Variants in GLIS3 observed in about 807,000 individuals in gnomAD.
GLIS3 encodes zinc finger protein GLIS3.
A neutral mutation model predicts 78.6 loss-of-function variants in GLIS3; 53 were observed. That is an observed-to-expected ratio of 0.67 (90% CI 0.54 to 0.85). The LOEUF is 0.85. Ranked by LOEUF, GLIS3 falls within the 40% of genes least tolerant of loss-of-function variation. The pLI is 0.00. For synonymous variants in GLIS3, 684 were observed against 509.9 expected (o/e 1.34, Z -4.60); for missense variants, 1,703 against 1,231.1 (o/e 1.38, Z -5.74).
At chr9:4,466,571 A>G in the GLIS3 span, among the ~76,000 whole-genome samples, 1 of 152,222 alleles carries the variant, frequency 6.6e-6, no homozygotes, top group African/African-American at 2.4e-5. Flanking sequence ...AACAATATAT[A>G]TAAAGGATAA....
At chr9:4,377,845 C>A in the GLIS3 span, among the ~76,000 whole-genome samples, 1 of 152,100 alleles carries the variant, frequency 6.6e-6, no homozygotes, top group African/African-American at 2.4e-5. Context: ...AAAAAACAGT[C>A]GTGATCTCTA....
the GLIS3 span, among the ~76,000 whole-genome samples, chr9:4,465,420 G>T: frequency 1.3e-5 from 2 of 152,222 alleles, no homozygotes; most frequent in Admixed American, 6.5e-5. Flanking sequence ...ATGGTGACAC[G>T]CAACTGTAGT....
chr9:4,118,272 G>A lies in GLIS3; in HGVS notation c.1206C>T (p.Gly402=), dbSNP rs1007576859. The change falls in exon 4 of 11, where the codon GGC becomes GGT. Residue 402 remains glycine, a synonymous_variant. Transcript: ENST00000381971. The surrounding 1 kb of genome is among the most constrained non-coding windows in gnomAD (Gnocchi z 4.7). ...TGTGGTTGACCAGGCCTGGCTGCAG[G>A]CCGCCGTGCTCCAGCTGTTGCATGC... The part of the protein sequence containing the change: ...HERMQQLEHG[G]LQPGLVNHMV... 3.8e-6 allele frequency: 6 copies of A among 1,586,334 alleles called. No individual in the cohort carries two copies. The highest frequency in any genetic ancestry group is 1.8e-5 in the Admixed American group (1 of 56,624).
rs146106122 is a variant in GLIS3 at position 3,836,239 on chromosome 9, G to A, written c.2474-6747C>T. 7.2e-4 allele frequency among the ~76,000 whole-genome samples: 110 copies of A among 152,342 alleles called. 1 individual carries two copies. Among genetic ancestry groups the A allele is most frequent in the Middle Eastern group, 3.4e-3 (1 of 294 alleles). On this transcript the variant is annotated intron_variant, in intron 9 of 10. Transcript: ENST00000381971. Reference sequence around the variant, plus strand: ...GAATAAGCAGATATCAGCGGCAGAGGCAGAATTGGCAGCCCCTCAGTTTCT... The same window carrying A: ...GAATAAGCAGATATCAGCGGCAGAGACAGAATTGGCAGCCCCTCAGTTTCT...
chr9:4,489,312 T>G, the GLIS3 span, among the ~76,000 whole-genome samples: 1 of 152,206 alleles, frequency 6.6e-6, no homozygotes, highest in Admixed American at 6.5e-5. Context: ...TCTTAATCTA[T>G]TATCGCTTAA....
chr9:3,836,867 C>T (rs1362417073), intron 9 of GLIS3, among the ~76,000 whole-genome samples: 2 of 152,218 alleles, frequency 1.3e-5, no homozygotes, highest in Admixed American at 6.5e-5. Flanking sequence ...TCTTCTTCTT[C>T]CTCTCTGTGA....
At chr9:4,456,027 G>C in the GLIS3 span, among the ~76,000 whole-genome samples, 1 of 152,050 alleles carries the variant, frequency 6.6e-6, no homozygotes, top group African/African-American at 2.4e-5. Flanking sequence ...AGAATGGCTC[G>C]AACCTGGGAG....
chr9:4,174,974 G>C (rs1224488326), intron 2 of GLIS3, among the ~76,000 whole-genome samples: 1 of 152,226 alleles, frequency 6.6e-6, no homozygotes, highest in Non-Finnish European at 1.5e-5. Flanking sequence ...AATAGGTCAA[G>C]GGTGCAAAGG....
chr9:4,366,166 G>T, the GLIS3 span, among the ~76,000 whole-genome samples: 1 of 152,168 alleles, frequency 6.6e-6, no homozygotes, highest in South Asian at 2.1e-4. Context: ...AACTTTAACC[G>T]TCCTTAATTT....
At chr9:4,133,141 T>C (rs921987631) in intron 2 of GLIS3, among the ~76,000 whole-genome samples, 1 of 152,254 alleles carries the variant, frequency 6.6e-6, no homozygotes. Context: ...ACCATCTCTA[T>C]ATATAAACTT....
At chr9:4,074,922 G>C (rs895272446) in intron 4 of GLIS3, among the ~76,000 whole-genome samples, 3 of 152,092 alleles carry the variant, frequency 2.0e-5, no homozygotes, top group African/African-American at 7.2e-5. Flanking sequence ...TCCAAATACA[G>C]AAACTGTAGT....
intron 2 of GLIS3, among the ~76,000 whole-genome samples, chr9:4,160,279 T>A (rs1490617411): frequency 6.6e-6 from 1 of 152,236 alleles, no homozygotes; most frequent in Non-Finnish European, 1.5e-5. Context: ...GCTAAGGAAC[T>A]GACCACGCTG....
At chr9:4,221,223 TG>T (rs1821305976) in intron 2 of GLIS3, among the ~76,000 whole-genome samples, 1 of 151,972 alleles carries the variant, frequency 6.6e-6, no homozygotes, top group African/African-American at 2.4e-5. Flanking sequence ...AAAGAGAAAA[TG>T]ATAAGGCAGA....
At position 4,273,740 on chromosome 9, in the gene GLIS3, T is replaced by C. The variant is rs12551380; in HGVS notation, c.388+12298A>G. Among the ~76,000 whole-genome samples, 711 of 152,330 alleles carry C rather than the reference T, an allele frequency of 4.7e-3. 2 individuals carry two copies. Among genetic ancestry groups the C allele is most frequent in the Admixed American group, 0.013 (194 of 15,300 alleles). On this transcript the variant is annotated intron_variant, in intron 2 of 10. Coordinates refer to ENST00000381971, the MANE Select transcript of GLIS3 (RefSeq NM_001042413.2). ...GATTTCCACACAAGTGGGTGACTAC[T>C]TGAAAAGTCAATCCACATAACTCGA...
At position 4,196,748 on chromosome 9, in the gene GLIS3, C is replaced by T. The variant is rs141062095; in HGVS notation, c.389-70807G>A. 3.3e-3 allele frequency among the ~76,000 whole-genome samples: 496 copies of T among 152,268 alleles called. 1 individual carries two copies. The highest frequency in any genetic ancestry group is 0.011 in the African/African-American group (468 of 41,562). ...AACTGTAACACTCACCGTGAGGGTCCGCAGCTTCATTCTTTAAGTCAGTGA... is the reference window on the plus strand; with the variant it reads ...AACTGTAACACTCACCGTGAGGGTCTGCAGCTTCATTCTTTAAGTCAGTGA... On this transcript the variant is annotated intron_variant, in intron 2 of 10. Coordinates refer to ENST00000381971, the MANE Select transcript of GLIS3 (RefSeq NM_001042413.2).
At chr9:4,467,253 C>T in the GLIS3 span, among the ~76,000 whole-genome samples, 4 of 152,300 alleles carry the variant, frequency 2.6e-5, no homozygotes, top group South Asian at 2.1e-4. Context: ...CAGACTTAAA[C>T]GTCCCTGTCT....
intron 2 of GLIS3, among the ~76,000 whole-genome samples, chr9:4,180,051 C>T (rs544688779): frequency 6.6e-4 from 100 of 152,190 alleles, no homozygotes; most frequent in African/African-American, 2.3e-3. Context: ...TTGACGGATA[C>T]CTGACTTAGA....
chr9:4,065,611 G>C (rs1234315699), intron 4 of GLIS3, among the ~76,000 whole-genome samples: 1 of 152,128 alleles, frequency 6.6e-6, no homozygotes, highest in Non-Finnish European at 1.5e-5. Flanking sequence ...TGTATTAACT[G>C]TGTAAGTTTC....
intron 6 of GLIS3, among the ~76,000 whole-genome samples, chr9:3,908,706 G>GTTTTTTTTTATTTTTTTT (rs1823893879): frequency 1.2e-5 from 1 of 85,554 alleles, no homozygotes; most frequent in African/African-American, 5.4e-5. Flanking sequence ...ATTTGTATTT[G>GTTTTTTTTTATTTTTTTT]TTTTTTTTTT....
Sources: allele counts gnomAD v4.1 joint callset (sites outside exome capture counted in the v4.1 genomes callset), GRCh38; gene constraint gnomAD v4.1.1; non-coding constraint Gnocchi (gnomAD v3.1); transcripts MANE v1.5; gene names NCBI Gene and HGNC (gene_info 2026-07-23, HGNC 2026-07-21).